Variants in NOTCH1 observed in about 807,000 individuals in gnomAD.
The protein encoded by NOTCH1 is neurogenic locus notch homolog protein 1.
A neutral mutation model predicts 254.8 loss-of-function variants in NOTCH1; 37 were observed. The ratio of observed to expected loss-of-function variants is 0.15; its 90% CI spans 0.11 to 0.19. The LOEUF is 0.19. Ranked by LOEUF, NOTCH1 falls within the 10% of genes least tolerant of loss-of-function variation. NOTCH1 has a pLI of 1.00. For synonymous variants in NOTCH1, 1,731 were observed against 1,618.1 expected (o/e 1.07, Z -1.68); for missense variants, 2,972 against 3,708.6 (o/e 0.80, Z 5.16).
rs775401272 is a variant in NOTCH1, at chr9:136,518,128, G to A, written c.1255+9C>T. 2 of 1,580,810 alleles carry A rather than the reference G, an allele frequency of 1.3e-6. No individual in the cohort carries two copies. Among genetic ancestry groups the A allele is most frequent in the Admixed American group, 3.6e-5 (2 of 56,170 alleles). ...CCCACCTGGCCGCACCCCCTGTGCTGGCACCTACCCAGCGAGCACTCATCC... is the reference window on the plus strand; with the variant it reads ...CCCACCTGGCCGCACCCCCTGTGCTAGCACCTACCCAGCGAGCACTCATCC... On this transcript the variant is annotated intron_variant, in intron 7 of 33. Transcript: ENST00000651671.
intron 33 of NOTCH1, among the ~76,000 whole-genome samples, chr9:136,497,834 C>T (rs1293540756): frequency 6.6e-6 from 1 of 152,200 alleles, no homozygotes; most frequent in African/African-American, 2.4e-5. Context: ...ATGGGGGGGT[C>T]ACAGACCCCA....
intron 2 of NOTCH1, among the ~76,000 whole-genome samples, chr9:136,537,895 C>T (rs1312394739): frequency 6.6e-6 from 1 of 152,116 alleles, no homozygotes; most frequent in Admixed American, 6.5e-5. Context: ...GAGTTTGAGA[C>T]CAGCCTGACC....
At chr9:136,531,740 G>A (rs1233258447) in intron 2 of NOTCH1, among the ~76,000 whole-genome samples, 3 of 152,218 alleles carry the variant, frequency 2.0e-5, no homozygotes, top group South Asian at 4.1e-4. Flanking sequence ...CTGGCATCCC[G>A]GGGGCAGACG....
chr9:136,522,738 TC>T, intron 4 of NOTCH1, 111 bp downstream of exon 4: 1 of 1,067,912 alleles, frequency 9.4e-7, no homozygotes, highest in Non-Finnish European at 1.3e-6. Context: ...CCTTCCCAAC[TC>T]CCCGCCATGG....
chr9:136,522,703 G>A lies in NOTCH1; in HGVS notation c.742+147C>T, dbSNP rs1314994172. ...CAGACGCGTCCCCCCGACACCACAC[G>A]CAGTCTGGGGAACTCGCCATCCCGC... is the stretch of plus-strand genomic sequence containing the variant. On this transcript the variant is annotated intron_variant, in intron 4 of 33. Coordinates refer to ENST00000651671, the MANE Select transcript of NOTCH1 (RefSeq NM_017617.5). 20 of 748,222 alleles carry A rather than the reference G, an allele frequency of 2.7e-5. No homozygotes were observed. The South Asian group carries it at 2.7e-4, about 10-fold the overall frequency. The allele number at this position is 748,222 out of a possible 1,614,324, so 46.3% of individuals were successfully genotyped here. A position where few individuals can be genotyped will look rare whatever the true frequency, so the allele number is the denominator to read the frequency against.
chr9:136,531,505 C>T (rs569800776), intron 2 of NOTCH1, among the ~76,000 whole-genome samples: 21 of 152,232 alleles, frequency 1.4e-4, no homozygotes, highest in Non-Finnish European at 2.2e-4. Flanking sequence ...CTCCCAGGAC[C>T]GGGAAGTCTG....
Position 136,506,910 on chromosome 9 carries a change from G to A in NOTCH1, c.3707C>T (p.Pro1236Leu), listed in dbSNP as rs1241855040. 5 of 1,611,584 alleles carry A rather than the reference G, an allele frequency of 3.1e-6. No homozygotes were observed. The highest frequency in any genetic ancestry group is 1.3e-5 in the African/African-American group (1 of 74,898). The change falls in exon 23 of 34, where the codon CCC becomes CTC. Residue 1236 changes from proline to leucine, a missense_variant. Transcript: ENST00000651671. The surrounding 1 kb of genome is among the most constrained non-coding windows in gnomAD (Gnocchi z 4.5). ...GCAGGTGCCGTTGTTAAAGCACTTGGGGCTCCGGGACACGGGGTCAACGGG... is the reference window on the plus strand; with the variant it reads ...GCAGGTGCCGTTGTTAAAGCACTTGAGGCTCCGGGACACGGGGTCAACGGG... ...NPPVDPVSRS[P>L]KCFNNGTCVD...
At chr9:136,518,459 G>C in intron 6 of NOTCH1, 132 bp downstream of exon 6, 2 of 1,114,408 alleles carry the variant, frequency 1.8e-6, no homozygotes, top group East Asian at 2.6e-5. Flanking sequence ...AGCGACCACC[G>C]GCCTCCCTGA....
At position 136,510,495 on chromosome 9, in the gene NOTCH1, C is replaced by A. The variant is rs560303373; in HGVS notation, c.2740+158G>T. On this transcript the variant is annotated intron_variant, in intron 17 of 33. Coordinates refer to ENST00000651671, the MANE Select transcript of NOTCH1 (RefSeq NM_017617.5). Reference sequence around the variant, plus strand: ...CTGGGGCCCTCCTGAACCACCCTGGCCATCCCTCAGCACATCCCCCACACC... The same window carrying A: ...CTGGGGCCCTCCTGAACCACCCTGGACATCCCTCAGCACATCCCCCACACC... The A allele has an allele frequency of 1.2e-3, 1,134 of 980,706 alleles. 3 individuals carry two copies. Among genetic ancestry groups the A allele is most frequent in the Non-Finnish European group, 1.6e-3 (1,033 of 654,826 alleles). The allele number at this position is 980,706 out of a possible 1,614,324, so 60.8% of individuals were successfully genotyped here. A position where few individuals can be genotyped will look rare whatever the true frequency, so the allele number is the denominator to read the frequency against.
chr9:136,518,151 T>A lies in NOTCH1; in HGVS notation c.1241A>T (p.Asp414Val), dbSNP rs1843307636. 1 of 1,591,574 alleles carries A rather than the reference T, an allele frequency of 6.3e-7. No individual in the cohort carries two copies. The highest frequency in any genetic ancestry group is 1.3e-5 in the African/African-American group (1 of 74,480). ...YTGPACSQDV[D>V]ECSLGANPCE... ...CTGGCACCTACCCAGCGAGCACTCA[T>A]CCACGTCCTGGCTGCAGGCCGGGCC... The change falls in exon 7 of 34, where the codon GAT (aspartate) becomes GTT (valine). Residue 414 changes from aspartate to valine, a missense_variant. Around this residue, in one of 8 missense-constraint regions of NOTCH1, gnomAD observed 90 missense variants for 183.6 expected, o/e 0.49. Transcript: ENST00000651671.
In NOTCH1 at chr9:136,519,371, G is replaced by A. The variant is rs1374989642; in HGVS notation, c.865+72C>T. 4.4e-6 allele frequency: 7 copies of A among 1,593,298 alleles called. 1 individual carries two copies. The highest frequency in any genetic ancestry group is 3.3e-5 in the Admixed American group (2 of 59,904). ...GTCTCGGCTGCTCCCCGCTATGCCT[G>A]TGAGTGCAGTTTAGTAAGTGGGTAG... On this transcript the variant is annotated intron_variant, in intron 5 of 33. Coordinates refer to ENST00000651671, the MANE Select transcript of NOTCH1 (RefSeq NM_017617.5).
In NOTCH1 at chr9:136,513,257, GC is replaced by G; in HGVS notation, c.2354-124del. 1 of 1,479,366 alleles carries G rather than the reference GC, an allele frequency of 6.8e-7. No homozygotes were observed. Among genetic ancestry groups the G allele is most frequent in the Non-Finnish European group, 9.4e-7 (1 of 1,066,950 alleles). 91.6% of individuals were successfully genotyped at this position (1,479,366 alleles called of 1,614,324 possible). A position where few individuals can be genotyped will look rare whatever the true frequency, so the allele number is the denominator to read the frequency against. ...CCCTCCTCATCTCCAAGAGCCAGAG[GC>G]CTGGAGCTAAGGCTTTGCCACGGGA... is the stretch of plus-strand genomic sequence containing the variant. On this transcript the variant is annotated intron_variant, in intron 14 of 33. Coordinates refer to ENST00000651671, the MANE Select transcript of NOTCH1 (RefSeq NM_017617.5). This position sits in a 1 kb window ranked among gnomAD's most constrained non-coding sequence, Gnocchi z 4.7.
At chr9:136,522,632 G>A (rs1843390285) in intron 4 of NOTCH1, 2 of 543,176 alleles carry the variant, frequency 3.7e-6, no homozygotes, top group Non-Finnish European at 6.4e-6. Context: ...GACACGGGCT[G>A]GCACCTGGAC....
chr9:136,510,417 T>C (rs1027935148), intron 17 of NOTCH1: 1 of 609,916 alleles, frequency 1.6e-6, no homozygotes, highest in Non-Finnish European at 2.9e-6. Flanking sequence ...TGAAGAGCCG[T>C]GGGAGGGGCT....
chr9:136,533,447 G>C (rs1251928251), intron 2 of NOTCH1, among the ~76,000 whole-genome samples: 5 of 152,258 alleles, frequency 3.3e-5, no homozygotes, highest in African/African-American at 1.2e-4. Flanking sequence ...AACTTGGGGG[G>C]CCCCACCACG....
chr9:136,527,845 G>T (rs1441331766), intron 2 of NOTCH1, among the ~76,000 whole-genome samples: 1 of 152,136 alleles, frequency 6.6e-6, no homozygotes, highest in Non-Finnish European at 1.5e-5. Context: ...GCTGCGGGGG[G>T]AGGGTGCCAA....
At chr9:136,504,565 T>TG (rs1240842307) in intron 26 of NOTCH1, 108 bp downstream of exon 26, 10 of 1,177,820 alleles carry the variant, frequency 8.5e-6, no homozygotes, top group South Asian at 1.6e-5. Flanking sequence ...TACCATAAAG[T>TG]GGGGAGAGTA....
intron 2 of NOTCH1, among the ~76,000 whole-genome samples, chr9:136,529,828 G>A (rs1012263257): frequency 2.6e-5 from 4 of 152,362 alleles, no homozygotes; most frequent in Non-Finnish European, 5.9e-5. Flanking sequence ...AGGGGCCCAC[G>A]ACAGCCCAGC....
chr9:136,536,875 A>G (rs542294804), intron 2 of NOTCH1, among the ~76,000 whole-genome samples: 7 of 152,256 alleles, frequency 4.6e-5, no homozygotes, highest in Non-Finnish European at 1.0e-4. Flanking sequence ...TAGATGCTCA[A>G]TAAAGACCCT....
Sources: allele counts gnomAD v4.1 joint callset (sites outside exome capture counted in the v4.1 genomes callset), GRCh38; gene constraint gnomAD v4.1.1; regional missense constraint gnomAD v4.1.1; non-coding constraint Gnocchi (gnomAD v3.1); transcripts MANE v1.5; gene names NCBI Gene and HGNC (gene_info 2026-07-23, HGNC 2026-07-21).